Variants in FSTL4 observed in about 807,000 individuals in gnomAD.
FSTL4 encodes follistatin like 4.
A neutral mutation model predicts 78.2 loss-of-function variants in FSTL4; 28 were observed. The observed-to-expected ratio is 0.36, with a 90% CI of 0.27 to 0.49. FSTL4 has a LOEUF of 0.49. FSTL4 is among the 20% of genes least tolerant of loss of function. The pLI, the probability that FSTL4 is intolerant of heterozygous loss-of-function variation, is 0.98. For missense variants in FSTL4, 922 were observed against 1,084.9 expected (o/e 0.85, Z 2.11); for synonymous variants, 422 against 440.5 (o/e 0.96, Z 0.53).
At chr5:133,502,640 A>G (rs1758523448) in intron 3 of FSTL4, among the ~76,000 whole-genome samples, 1 of 152,062 alleles carries the variant, frequency 6.6e-6, no homozygotes, top group Non-Finnish European at 1.5e-5. Flanking sequence ...AAAAGCGTGT[A>G]GCACCTTCTC....
chr5:133,556,113 C>T (rs1355623744), intron 3 of FSTL4, among the ~76,000 whole-genome samples: 1 of 152,058 alleles, frequency 6.6e-6, no homozygotes, highest in Admixed American at 6.6e-5. Context: ...ACAATGAATC[C>T]ACATTTTTGA....
intron 6 of FSTL4, among the ~76,000 whole-genome samples, chr5:133,254,650 C>A (rs1405461794): frequency 6.6e-6 from 1 of 152,212 alleles, no homozygotes; most frequent in East Asian, 1.9e-4. Flanking sequence ...CAGATAGCCG[C>A]AGTCATACAG....
chr5:133,402,682 TCGGCAGATTAACTG>T (rs1756261448), intron 3 of FSTL4, among the ~76,000 whole-genome samples: 1 of 152,234 alleles, frequency 6.6e-6, no homozygotes, highest in Non-Finnish European at 1.5e-5. Flanking sequence ...AAATCAGTTA[TCGGCAGATTAACTG>T]CTTGATTCAA....
At chr5:133,732,002 C>A in the FSTL4 span, among the ~76,000 whole-genome samples, 35 of 152,304 alleles carry the variant, frequency 2.3e-4, no homozygotes, top group African/African-American at 7.9e-4. Context: ...ATGCCCACTC[C>A]CTCCAGCTGA....
At chr5:133,377,485 T>C (rs1031201713) in intron 4 of FSTL4, among the ~76,000 whole-genome samples, 1 of 151,300 alleles carries the variant, frequency 6.6e-6, no homozygotes, top group African/African-American at 2.5e-5. Context: ...GAACAGAGTA[T>C]GAGGAAGTTT....
intron 6 of FSTL4, among the ~76,000 whole-genome samples, chr5:133,282,551 T>C (rs1416887289): frequency 6.6e-6 from 1 of 152,258 alleles, no homozygotes; most frequent in African/African-American, 2.4e-5. Flanking sequence ...ACGATTCTTC[T>C]TGGGGGTGAG....
At chr5:133,741,213 A>G in the FSTL4 span, among the ~76,000 whole-genome samples, 1 of 152,214 alleles carries the variant, frequency 6.6e-6, no homozygotes, top group South Asian at 2.1e-4. Flanking sequence ...TCCCGGAAGC[A>G]GAACCTAAGG....
At chr5:133,335,575 A>C (rs1754446173) in intron 4 of FSTL4, among the ~76,000 whole-genome samples, 1 of 150,404 alleles carries the variant, frequency 6.6e-6, no homozygotes, top group Non-Finnish European at 1.5e-5. Flanking sequence ...GGCCTCCTCT[A>C]CCTGAAATGT....
intron 2 of FSTL4, among the ~76,000 whole-genome samples, chr5:133,567,552 C>A (rs752194739): frequency 6.6e-5 from 10 of 152,172 alleles, no homozygotes; most frequent in Non-Finnish European, 1.2e-4. Context: ...CCACCCTCTG[C>A]CTGAACTGTA....
chr5:133,280,212 G>A (rs905262646), intron 6 of FSTL4, among the ~76,000 whole-genome samples: 4 of 152,134 alleles, frequency 2.6e-5, no homozygotes, highest in Admixed American at 2.6e-4. Context: ...GCCTCAATGT[G>A]GCCACCTGCT....
At chr5:133,829,429 G>A in the FSTL4 span, among the ~76,000 whole-genome samples, 25 of 152,216 alleles carry the variant, frequency 1.6e-4, no homozygotes, top group Non-Finnish European at 3.2e-4. Flanking sequence ...TTTCATGGTT[G>A]TTTGTGGAAC....
intron 3 of FSTL4, among the ~76,000 whole-genome samples, chr5:133,517,445 A>T (rs866706055): frequency 0.15 from 3,598 of 23,456 alleles, 673 homozygotes; most frequent in Non-Finnish European, 0.2. Context: ...AAAAAAAAAA[A>T]AAATATATAT....
chr5:133,549,714 T>C (rs1759655006), intron 3 of FSTL4, among the ~76,000 whole-genome samples: 1 of 152,220 alleles, frequency 6.6e-6, no homozygotes, highest in African/African-American at 2.4e-5. Context: ...CTAGGAACAC[T>C]ATCAACCAGG....
At chr5:133,818,593 G>A in the FSTL4 span, among the ~76,000 whole-genome samples, 69 of 152,030 alleles carry the variant, frequency 4.5e-4, no homozygotes, top group Middle Eastern at 6.8e-3. Flanking sequence ...AGAATCTCCC[G>A]GCGGACATAA....
chr5:133,469,823 T>C (rs1277328641), intron 3 of FSTL4, among the ~76,000 whole-genome samples: 1 of 151,748 alleles, frequency 6.6e-6, no homozygotes, highest in Non-Finnish European at 1.5e-5. Context: ...CCAGAACATA[T>C]GCAGAAGAGG....
At chr5:133,537,064 G>T (rs115520412) in intron 3 of FSTL4, among the ~76,000 whole-genome samples, 1 of 152,168 alleles carries the variant, frequency 6.6e-6, no homozygotes, top group Non-Finnish European at 1.5e-5. Context: ...CAAAAGAGTT[G>T]CACAAGCTTC....
intron 3 of FSTL4, among the ~76,000 whole-genome samples, chr5:133,557,699 C>A (rs1759818834): frequency 1.3e-5 from 2 of 152,198 alleles, no homozygotes; most frequent in Non-Finnish European, 2.9e-5. Flanking sequence ...AAGGGGAACC[C>A]CCAGAGAGGG....
chr5:133,310,297 T>G (rs1753749314), intron 6 of FSTL4, among the ~76,000 whole-genome samples: 1 of 152,258 alleles, frequency 6.6e-6, no homozygotes, highest in African/African-American at 2.4e-5. Flanking sequence ...GAATCTAATT[T>G]GCTTTAAAAA....
intron 6 of FSTL4, among the ~76,000 whole-genome samples, chr5:133,303,356 T>C (rs888447566): frequency 6.6e-6 from 1 of 152,222 alleles, no homozygotes; most frequent in African/African-American, 2.4e-5. Context: ...TGGCTTATCT[T>C]CTGGGGGTTT....
Sources: allele counts gnomAD v4.1 joint callset (sites outside exome capture counted in the v4.1 genomes callset), GRCh38; gene constraint gnomAD v4.1.1; transcripts MANE v1.5; gene names NCBI Gene and HGNC (gene_info 2026-07-23, HGNC 2026-07-21).